PPP1R42: variants seen among roughly 807,000 people sequenced by gnomAD.
The protein encoded by PPP1R42 is leucine rich repeat containing 67.
In PPP1R42, 34 loss-of-function variants were observed where a neutral mutation model predicts 31.0. That is an observed-to-expected ratio of 1.10 (90% CI 0.83 to 1.46). The LOEUF (loss-of-function observed/expected upper bound fraction) is 1.46. PPP1R42 is among the 40% of genes most tolerant of loss of function. The probability of loss-of-function intolerance (pLI) is 0.00; values close to 1 mark genes in which losing one functional copy is unlikely to be tolerated. For synonymous variants in PPP1R42, 103 were observed against 109.8 expected (o/e 0.94, Z 0.39); for missense variants, 268 against 303.0 (o/e 0.88, Z 0.86).
chr8:66,975,681 A>G (rs996416963), intron 7 of PPP1R42, among the ~76,000 whole-genome samples: 3 of 152,138 alleles, frequency 2.0e-5, no homozygotes, highest in Non-Finnish European at 4.4e-5. Context: ...GGCTCACACT[A>G]GATTATAAAG....
At chr8:66,968,794 C>A (rs1814456943) in intron 7 of PPP1R42, among the ~76,000 whole-genome samples, 1 of 152,036 alleles carries the variant, frequency 6.6e-6, no homozygotes. Flanking sequence ...CGTATTAAAT[C>A]TTTTGATATA....
intron 5 of PPP1R42, among the ~76,000 whole-genome samples, chr8:67,007,164 C>T (rs960872405): frequency 6.6e-6 from 1 of 151,988 alleles, no homozygotes. Context: ...AGGCGTGAGC[C>T]ACTGTGCCTG....
At chr8:67,024,974 C>T (rs1816350451) in intron 1 of PPP1R42, among the ~76,000 whole-genome samples, 1 of 136,946 alleles carries the variant, frequency 7.3e-6, no homozygotes, top group South Asian at 2.3e-4. Flanking sequence ...GGGGTTCACT[C>T]TTGCCCAGGC....
chr8:67,021,550 GAAAATATTTCAT>G (rs1186293742), intron 1 of PPP1R42, among the ~76,000 whole-genome samples: 3 of 152,042 alleles, frequency 2.0e-5, no homozygotes, highest in Middle Eastern at 6.8e-3. Flanking sequence ...ACATTACCTT[GAAAATATTTCAT>G]AAAATATTTC....
chr8:67,012,846 T>C lies in PPP1R42; in HGVS notation c.435+112A>G, dbSNP rs779591674. 1.6e-4 allele frequency: 156 copies of C among 982,480 alleles called. No individual in the cohort carries two copies. In the Middle Eastern group the frequency reaches 2.6e-3, roughly 16 times the overall value. The allele number at this position is 982,480 out of a possible 1,614,324, so 60.9% of individuals were successfully genotyped here. ...CCTCTGATAAGCTCTGAGCTGGCCA[T>C]ATAAACATGAAGAGGATGTACAATG... On this transcript the variant is annotated intron_variant, in intron 4 of 7. Transcript: ENST00000685739.
intron 7 of PPP1R42, chr8:66,970,982 C>T: frequency 6.6e-7 from 1 of 1,519,600 alleles, no homozygotes; most frequent in Non-Finnish European, 8.8e-7. Flanking sequence ...AGAACCTACC[C>T]CATCTCTTAA....
At chr8:66,990,082 G>T (rs946980229) in intron 5 of PPP1R42, among the ~76,000 whole-genome samples, 1 of 152,128 alleles carries the variant, frequency 6.6e-6, no homozygotes, top group African/African-American at 2.4e-5. Context: ...TATAACTTCA[G>T]CCTTCAGTTC....
At chr8:66,995,670 A>G (rs1376054993) in intron 5 of PPP1R42, among the ~76,000 whole-genome samples, 3 of 152,222 alleles carry the variant, frequency 2.0e-5, no homozygotes, top group African/African-American at 7.2e-5. Flanking sequence ...ATACACAATA[A>G]CAAGGTTATA....
chr8:66,965,201 C>G (rs1401217004), intron 7 of PPP1R42, among the ~76,000 whole-genome samples: 1 of 149,298 alleles, frequency 6.7e-6, no homozygotes, highest in Non-Finnish European at 1.5e-5. Context: ...ACCTTTGGAA[C>G]TGCAGTGAGT....
At chr8:66,966,505 G>C (rs1814383730) in intron 7 of PPP1R42, among the ~76,000 whole-genome samples, 1 of 152,154 alleles carries the variant, frequency 6.6e-6, no homozygotes, top group Admixed American at 6.5e-5. Context: ...GTTTGGATAG[G>C]CTGGGTGCGG....
intron 7 of PPP1R42, among the ~76,000 whole-genome samples, chr8:66,965,477 C>T (rs1814354260): frequency 6.7e-6 from 1 of 149,568 alleles, no homozygotes; most frequent in Admixed American, 6.7e-5. Context: ...CATTCTGTCG[C>T]CCAGGCTGGA....
At chr8:67,010,878 T>C (rs1432302689) in intron 4 of PPP1R42, 47 bp from the exon 5 acceptor site, 4 of 1,458,060 alleles carry the variant, frequency 2.7e-6, no homozygotes, top group Non-Finnish European at 3.7e-6. Flanking sequence ...GTCTAAATAC[T>C]GTATATAGGA....
intron 5 of PPP1R42, among the ~76,000 whole-genome samples, chr8:66,993,776 G>A (rs1212228553): frequency 2.0e-5 from 3 of 152,086 alleles, no homozygotes; most frequent in Non-Finnish European, 4.4e-5. Context: ...GCTCACTTTT[G>A]TGTCCCCCAT....
intron 3 of PPP1R42, among the ~76,000 whole-genome samples, chr8:67,014,129 C>G (rs2129536965): frequency 6.6e-6 from 1 of 152,226 alleles, no homozygotes; most frequent in Middle Eastern, 3.4e-3. Flanking sequence ...CTTAAGACAA[C>G]CCTTCCCCAG....
At chr8:66,977,896 G>A (rs1203212120) in intron 7 of PPP1R42, among the ~76,000 whole-genome samples, 1 of 152,192 alleles carries the variant, frequency 6.6e-6, no homozygotes, top group Non-Finnish European at 1.5e-5. Flanking sequence ...TGATACTCCT[G>A]CCTTGGCCTC....
chr8:66,970,785 C>G, intron 7 of PPP1R42: 1 of 582,278 alleles, frequency 1.7e-6, no homozygotes, highest in Non-Finnish European at 3.2e-6. Context: ...AACACCCCTT[C>G]CCATCGTAAC....
At chr8:66,985,053 G>C in intron 6 of PPP1R42, 1 of 1,396,954 alleles carries the variant, frequency 7.2e-7, no homozygotes, top group Non-Finnish European at 1.0e-6. Context: ...TTATGTAAGA[G>C]TCCCACCACT....
chr8:66,968,477 A>C, intron 7 of PPP1R42: 2 of 985,250 alleles, frequency 2.0e-6, no homozygotes, highest in South Asian at 9.4e-5. Flanking sequence ...AATATTAAAT[A>C]TAGAGTGTAG....
chr8:67,005,580 A>G (rs1002805655), intron 5 of PPP1R42, among the ~76,000 whole-genome samples: 3 of 152,200 alleles, frequency 2.0e-5, no homozygotes, highest in Admixed American at 1.3e-4. Context: ...TTTCTTCCTT[A>G]TAAAGGCTAC....
Sources: gnomAD v4.1 joint callset for allele counts (sites outside exome capture counted in the v4.1 genomes callset) on GRCh38, gnomAD v4.1.1 for gene constraint, MANE v1.5 for transcripts, NCBI Gene and HGNC (gene_info 2026-07-23, HGNC 2026-07-21) for gene names.